Variants in ORC3 observed in about 807,000 individuals in gnomAD.
ORC3 encodes homolog of latheo, Drosophila.
Under a neutral mutation model 100.7 loss-of-function variants are expected in ORC3, and 78 were observed. The ratio of observed to expected loss-of-function variants is 0.77; its 90% CI spans 0.65 to 0.94. The LOEUF is 0.94. Among genes scored for constraint, ORC3 ranks in the 40% least tolerant of loss-of-function variants. ORC3 has a pLI of 0.00. For synonymous variants in ORC3, 295 were observed against 289.3 expected (o/e 1.02, Z -0.20); for missense variants, 789 against 823.9 (o/e 0.96, Z 0.52).
intron 17 of ORC3, among the ~76,000 whole-genome samples, chr6:87,663,404 T>C (rs1487799860): frequency 6.6e-6 from 1 of 152,226 alleles, no homozygotes; most frequent in Non-Finnish European, 1.5e-5. Context: ...AGTCAGATCA[T>C]AGGCACAAAG....
the ORC3 span, among the ~76,000 whole-genome samples, chr6:87,674,721 G>A: frequency 4.8e-5 from 7 of 147,168 alleles, no homozygotes; most frequent in South Asian, 1.3e-3. Flanking sequence ...TGATCCTCCC[G>A]CCTCGGCCTC....
intron 5 of ORC3, 116 bp from the exon 6 acceptor site, chr6:87,607,556 TA>T (rs1006130229): frequency 5.8e-6 from 4 of 690,996 alleles, no homozygotes; most frequent in Non-Finnish European, 9.1e-6. Context: ...ATGGTAAGTA[TA>T]AAAAAACACA....
chr6:87,636,534 G>A, intron 13 of ORC3, 48 bp downstream of exon 13: 1 of 1,193,184 alleles, frequency 8.4e-7, no homozygotes, highest in Non-Finnish European at 1.3e-6. Context: ...CTATAAGCCT[G>A]CCAGTAAGTA....
In ORC3 at chr6:87,623,534, C is replaced by T. The variant is rs77954797; in HGVS notation, c.1185+1521C>T. ...CCAGGAATAGATTTTTTAAGAGTAC[C>T]TTTAACCATTGAGATGACAGAGGGA... is the stretch of plus-strand genomic sequence containing the variant. On this transcript the variant is annotated intron_variant, in intron 11 of 19. Transcript: ENST00000392844. 9.4e-3 allele frequency among the ~76,000 whole-genome samples: 1,425 copies of T among 152,196 alleles called. 40 individuals are homozygous for T. Among genetic ancestry groups the T allele is most frequent in the East Asian group, 0.089 (462 of 5,178 alleles).
intron 13 of ORC3, among the ~76,000 whole-genome samples, chr6:87,647,318 CCTT>C (rs1768878020): frequency 6.6e-6 from 1 of 152,122 alleles, no homozygotes; most frequent in Admixed American, 6.6e-5. Context: ...ATCTTGGCCT[CCTT>C]GTTTTCTTGA....
At chr6:87,677,700 T>G in the ORC3 span, 1 of 1,258,180 alleles carries the variant, frequency 7.9e-7, no homozygotes, top group Non-Finnish European at 1.1e-6. Flanking sequence ...GAACTGAAAT[T>G]TTCTCATTCT....
chr6:87,608,760 A>G (rs1252062390), intron 6 of ORC3, among the ~76,000 whole-genome samples: 1 of 152,210 alleles, frequency 6.6e-6, no homozygotes, highest in Non-Finnish European at 1.5e-5. Context: ...AGTTCTCACT[A>G]TAAAGCAAAG....
rs923482029 is a variant in ORC3, at chr6:87,594,196, G to A, written c.25-157G>A. On this transcript the variant is annotated intron_variant, in intron 1 of 19. Coordinates refer to ENST00000392844, the MANE Select transcript of ORC3 (RefSeq NM_012381.4). ...TTTAGAATTTTCCTTCTATAGGTCAGAGAGAAGTGATGTGATTTCTTAGAA... is the reference window on the plus strand; with the variant it reads ...TTTAGAATTTTCCTTCTATAGGTCAAAGAGAAGTGATGTGATTTCTTAGAA... Among the ~76,000 whole-genome samples the A allele has an allele frequency of 8.5e-5, 13 of 152,206 alleles. No homozygotes were observed. The South Asian group carries it at 2.3e-3, about 27-fold the overall frequency.
chr6:87,651,646 A>G (rs535295883), intron 13 of ORC3, among the ~76,000 whole-genome samples: 10 of 152,110 alleles, frequency 6.6e-5, no homozygotes, highest in African/African-American at 1.9e-4. Context: ...TATTTGGTCT[A>G]CCCTTAACAA....
intron 14 of ORC3, 135 bp from the exon 15 acceptor site, chr6:87,656,771 A>G (rs945713914): frequency 1.8e-6 from 1 of 560,476 alleles, no homozygotes; most frequent in Non-Finnish European, 3.2e-6. Flanking sequence ...ATCATTTATC[A>G]GATGGAATCT....
At chr6:87,624,268 G>A (rs559883734) in intron 11 of ORC3, among the ~76,000 whole-genome samples, 3 of 152,136 alleles carry the variant, frequency 2.0e-5, no homozygotes, top group African/African-American at 4.8e-5. Flanking sequence ...CGGATCACTT[G>A]AAGTCAGGAG....
intron 2 of ORC3, among the ~76,000 whole-genome samples, chr6:87,597,680 TACACACACACACACAC>T (rs55758892): frequency 7.9e-4 from 110 of 138,526 alleles, no homozygotes; most frequent in African/African-American, 3.1e-3. Context: ...TATATATATA[TACACACACACACACAC>T]ACACACACAC....
intron 11 of ORC3, among the ~76,000 whole-genome samples, chr6:87,628,514 C>G (rs980126928): frequency 6.6e-6 from 1 of 152,134 alleles, no homozygotes; most frequent in Non-Finnish European, 1.5e-5. Flanking sequence ...TTTTATTATT[C>G]TTACTTGTTA....
chr6:87,640,969 C>T (rs1035386080), intron 13 of ORC3, among the ~76,000 whole-genome samples: 2 of 151,982 alleles, frequency 1.3e-5, no homozygotes, highest in East Asian at 1.9e-4. Context: ...ATTAGCCAGG[C>T]GTGGTGGCAA....
intron 18 of ORC3, 121 bp from the exon 19 acceptor site, chr6:87,665,633 T>C (rs1183841335): frequency 3.2e-6 from 2 of 617,316 alleles, no homozygotes; most frequent in African/African-American, 3.7e-5. Flanking sequence ...GTTTTGACAA[T>C]CTTAAATTTG....
At chr6:87,639,825 C>CAAAAAAA (rs548788316) in intron 13 of ORC3, among the ~76,000 whole-genome samples, 18 of 58,750 alleles carry the variant, frequency 3.1e-4, no homozygotes, top group South Asian at 7.6e-4. Context: ...GCCAAAAATA[C>CAAAAAAA]AAAAAAAAAA....
intron 4 of ORC3, 150 bp from the exon 5 acceptor site, chr6:87,605,767 G>T: frequency 2.1e-6 from 1 of 473,100 alleles, no homozygotes; most frequent in Non-Finnish European, 3.8e-6. Flanking sequence ...TATTGTTAAT[G>T]GATATCATTT....
chr6:87,633,564 T>C (rs755811393), intron 11 of ORC3, among the ~76,000 whole-genome samples: 6 of 152,154 alleles, frequency 3.9e-5, no homozygotes, highest in Non-Finnish European at 7.3e-5. Context: ...CTAAGTGAGT[T>C]GGTGTTTAGG....
the ORC3 span, chr6:87,675,647 T>C: frequency 1.9e-6 from 3 of 1,610,642 alleles, no homozygotes; most frequent in Non-Finnish European, 2.5e-6. Flanking sequence ...AAAATACAGG[T>C]CAAAATCCAA....
Sources: allele counts gnomAD v4.1 joint callset (sites outside exome capture counted in the v4.1 genomes callset), GRCh38; gene constraint gnomAD v4.1.1; transcripts MANE v1.5; gene names NCBI Gene and HGNC (gene_info 2026-07-23, HGNC 2026-07-21).